The following NDFIP1 variants were observed in gnomAD, a reference collection of about 807,000 sequenced individuals.
NDFIP1 encodes NEDD4 family-interacting protein 1.
Under a neutral mutation model 28.8 loss-of-function variants are expected in NDFIP1, and 7 were observed. The observed-to-expected ratio is 0.24, with a 90% CI of 0.14 to 0.46. NDFIP1 has a LOEUF of 0.46. Ranked by LOEUF, NDFIP1 falls within the 20% of genes least tolerant of loss-of-function variation. The probability of loss-of-function intolerance (pLI) is 0.99; values close to 1 mark genes in which losing one functional copy is unlikely to be tolerated. For missense variants in NDFIP1, 194 were observed against 269.1 expected (o/e 0.72, Z 1.95); for synonymous variants, 92 against 101.0 (o/e 0.91, Z 0.53).
rs33932095 is a variant in NDFIP1 at position 142,136,755 on chromosome 5, CAA to C, written c.370+956_370+957del. On this transcript the variant is annotated intron_variant, in intron 4 of 7. Coordinates refer to ENST00000253814, the MANE Select transcript of NDFIP1 (RefSeq NM_030571.4). Reference sequence around the variant, plus strand: ...GGGGGACAAGAGTGAGACTTCGTCTCAAAAAAAAAAAAAAAAAAAGAGGTCAA... The same window carrying C: ...GGGGGACAAGAGTGAGACTTCGTCTCAAAAAAAAAAAAAAAAAGAGGTCAA... 7.8e-5 allele frequency among the ~76,000 whole-genome samples: 6 copies of C among 76,442 alleles called. No individual in the cohort carries two copies. In the East Asian group the frequency reaches 1.1e-3, roughly 14 times the overall value. 50.1% of individuals were successfully genotyped at this position (76,442 alleles called of 152,430 possible).
intron 1 of NDFIP1, among the ~76,000 whole-genome samples, chr5:142,113,413 G>A (rs1757035133): frequency 6.6e-6 from 1 of 152,178 alleles, no homozygotes; most frequent in South Asian, 2.1e-4. Flanking sequence ...TTCAAAAGAA[G>A]TTATATCACA....
At chr5:142,149,147 G>A (rs1757420317) in intron 7 of NDFIP1, among the ~76,000 whole-genome samples, 1 of 152,174 alleles carries the variant, frequency 6.6e-6, no homozygotes, top group South Asian at 2.1e-4. Flanking sequence ...GACCTAGTGA[G>A]CTGTACCTAT....
intron 6 of NDFIP1, 118 bp downstream of exon 6, chr5:142,140,747 A>G (rs970097959): frequency 1.4e-6 from 1 of 732,116 alleles, no homozygotes; most frequent in East Asian, 3.1e-5. Flanking sequence ...ACAATTAATA[A>G]TAAACATTTT....
At chr5:142,132,037 A>G (rs757204596) in intron 2 of NDFIP1, 142 bp downstream of exon 2, 1 of 1,057,440 alleles carries the variant, frequency 9.5e-7, no homozygotes, top group Admixed American at 3.1e-5. Context: ...TGAGAAGTGG[A>G]TACATTTAAA....
chr5:142,116,023 G>C (rs908054074), intron 1 of NDFIP1, among the ~76,000 whole-genome samples: 3 of 152,144 alleles, frequency 2.0e-5, no homozygotes, highest in African/African-American at 7.2e-5. Context: ...TTATGTCAGA[G>C]GCTTGTGCAT....
chr5:142,108,937 T>C lies in NDFIP1; in HGVS notation c.-38T>C, dbSNP rs1245189648. 2.8e-6 allele frequency: 4 copies of C among 1,408,460 alleles called. No individual in the cohort carries two copies. The highest frequency in any genetic ancestry group is 3.7e-6 in the Non-Finnish European group (4 of 1,080,670). 87.2% of individuals were successfully genotyped at this position (1,408,460 alleles called of 1,614,324 possible). ...CAGCGGCCGCGCCCCTTCAGCTAGC[T>C]CGCTCGCTCGCTCTGCTTCCCTGCT... On this transcript the variant is annotated 5_prime_UTR_variant, in exon 1 of 8. Coordinates refer to ENST00000253814, the MANE Select transcript of NDFIP1 (RefSeq NM_030571.4).
At chr5:142,150,622 G>T (rs1406436669) in intron 7 of NDFIP1, among the ~76,000 whole-genome samples, 1 of 151,750 alleles carries the variant, frequency 6.6e-6, no homozygotes, top group African/African-American at 2.4e-5. Context: ...GTCACTTGCG[G>T]GGCTGAGGCA....
intron 7 of NDFIP1, among the ~76,000 whole-genome samples, chr5:142,147,437 A>G (rs1757400655): frequency 6.6e-6 from 1 of 152,122 alleles, no homozygotes; most frequent in Non-Finnish European, 1.5e-5. Flanking sequence ...TTTCCTCCCT[A>G]TCGATTCTTT....
intron 1 of NDFIP1, among the ~76,000 whole-genome samples, chr5:142,124,890 A>G (rs1361542099): frequency 1.3e-5 from 2 of 151,874 alleles, no homozygotes; most frequent in African/African-American, 4.8e-5. Flanking sequence ...CAGTGGCGCA[A>G]TCTCGGCTCA....
chr5:142,131,368 G>A (rs929195365), intron 1 of NDFIP1, among the ~76,000 whole-genome samples: 10 of 152,074 alleles, frequency 6.6e-5, no homozygotes, highest in African/African-American at 1.9e-4. Context: ...TCCGCCTCCC[G>A]GGTTAAAACG....
In NDFIP1 at chr5:142,112,532, TAAAA is replaced by T. The variant is rs113729498; in HGVS notation, c.63+3511_63+3514del. Among the ~76,000 whole-genome samples, 4 of 103,638 alleles carry T rather than the reference TAAAA, an allele frequency of 3.9e-5. No individual in the cohort carries two copies. The South Asian group carries it at 9.6e-4, about 25-fold the overall frequency. 68.0% of individuals were successfully genotyped at this position (103,638 alleles called of 152,430 possible). ...CCAGGTTGGGTGAGCAAGACTGTCT[TAAAA>T]AAAAAAAAAAAAAAAGGCACCGAGG... is the stretch of plus-strand genomic sequence containing the variant. On this transcript the variant is annotated intron_variant, in intron 1 of 7. Transcript: ENST00000253814.
At chr5:142,109,334 G>A (rs879368033) in intron 1 of NDFIP1, among the ~76,000 whole-genome samples, 2 of 152,186 alleles carry the variant, frequency 1.3e-5, no homozygotes, top group African/African-American at 4.8e-5. Flanking sequence ...ACCCACAGGC[G>A]GCATCGATCT....
intron 3 of NDFIP1, among the ~76,000 whole-genome samples, chr5:142,134,838 G>C (rs1174325594): frequency 6.6e-6 from 1 of 152,210 alleles, no homozygotes; most frequent in Non-Finnish European, 1.5e-5. Context: ...GATAAGGTTA[G>C]AAGTGAGATT....
chr5:142,130,072 G>A (rs1215952619), intron 1 of NDFIP1, among the ~76,000 whole-genome samples: 1 of 152,122 alleles, frequency 6.6e-6, no homozygotes, highest in Non-Finnish European at 1.5e-5. Context: ...AAGTATGTCA[G>A]TTGGCTCTGT....
Position 142,153,323 on chromosome 5 carries a change from A to G in NDFIP1, c.*1595A>G, listed in dbSNP as rs1268999697. 2 of 456,590 alleles carry G rather than the reference A, an allele frequency of 4.4e-6. No homozygotes were observed. The highest frequency in any genetic ancestry group is 2.0e-5 in the African/African-American group (1 of 50,070). The allele number at this position is 456,590 out of a possible 1,614,324, so 28.3% of individuals were successfully genotyped here. A position where few individuals can be genotyped will look rare whatever the true frequency, so the allele number is the denominator to read the frequency against. ...AATACACCAAGATGGTCAAATTACT[A>G]CACAAATCAGCACCAGCACAGTCTG... On this transcript the variant is annotated 3_prime_UTR_variant, in exon 8 of 8. Transcript: ENST00000253814.
chr5:142,128,732 A>G (rs1757196615), intron 1 of NDFIP1, among the ~76,000 whole-genome samples: 1 of 152,158 alleles, frequency 6.6e-6, no homozygotes, highest in South Asian at 2.1e-4. Context: ...GGTGTTTTAA[A>G]TTGTTTTTAT....
At chr5:142,121,901 T>A (rs1757125724) in intron 1 of NDFIP1, among the ~76,000 whole-genome samples, 1 of 152,238 alleles carries the variant, frequency 6.6e-6, no homozygotes, top group South Asian at 2.1e-4. Flanking sequence ...CACTCACTAA[T>A]GTATCCATGC....
chr5:142,113,576 A>C (rs1348081386), intron 1 of NDFIP1, among the ~76,000 whole-genome samples: 1 of 152,236 alleles, frequency 6.6e-6, no homozygotes, highest in African/African-American at 2.4e-5. Flanking sequence ...ATACACATAA[A>C]ATTTACCATG....
At chr5:142,117,570 G>A (rs1757082148) in intron 1 of NDFIP1, among the ~76,000 whole-genome samples, 1 of 152,090 alleles carries the variant, frequency 6.6e-6, no homozygotes, top group Non-Finnish European at 1.5e-5. Flanking sequence ...ATGCTTAAAT[G>A]TGATATTTAA....
Sources: allele counts gnomAD v4.1 joint callset (sites outside exome capture counted in the v4.1 genomes callset), GRCh38; gene constraint gnomAD v4.1.1; transcripts MANE v1.5; gene names NCBI Gene and HGNC (gene_info 2026-07-23, HGNC 2026-07-21).